The following SLC9A9 variants were observed in gnomAD, a reference collection of about 807,000 sequenced individuals.
The protein encoded by SLC9A9 is sodium/hydrogen exchanger 9.
SLC9A9 carries 62 observed loss-of-function variants against 77.8 expected under a neutral mutation model. That is an observed-to-expected ratio of 0.80 (90% CI 0.65 to 0.98). SLC9A9 has a LOEUF of 0.98. SLC9A9 is among the 50% of genes least tolerant of loss of function. The pLI, the probability that SLC9A9 is intolerant of heterozygous loss-of-function variation, is 0.00. For synonymous variants in SLC9A9, 320 were observed against 283.5 expected (o/e 1.13, Z -1.29); for missense variants, 775 against 774.9 (o/e 1.00, Z 0.00).
chr3:143,533,891 T>C (rs1205880108), intron 9 of SLC9A9, among the ~76,000 whole-genome samples: 2 of 152,230 alleles, frequency 1.3e-5, no homozygotes, highest in African/African-American at 4.8e-5. Flanking sequence ...ACCTAACCTG[T>C]TGTCTAAAAT....
intron 4 of SLC9A9, among the ~76,000 whole-genome samples, chr3:143,741,766 A>G (rs1299656876): frequency 6.6e-6 from 1 of 152,068 alleles, no homozygotes; most frequent in Non-Finnish European, 1.5e-5. Flanking sequence ...CTTCCCCCTA[A>G]CCCATTGAAA....
chr3:143,415,943 A>C (rs2034184172), intron 12 of SLC9A9, among the ~76,000 whole-genome samples: 1 of 152,164 alleles, frequency 6.6e-6, no homozygotes, highest in African/African-American at 2.4e-5. Flanking sequence ...AGGTCAAAAC[A>C]TCAACATTAA....
At chr3:143,836,682 T>C (rs756933810) in intron 1 of SLC9A9, among the ~76,000 whole-genome samples, 1 of 152,166 alleles carries the variant, frequency 6.6e-6, no homozygotes, top group African/African-American at 2.4e-5. Flanking sequence ...AGATGAGCCT[T>C]ACCTTCCTGA....
intron 2 of SLC9A9, among the ~76,000 whole-genome samples, chr3:143,815,761 G>A (rs1019548427): frequency 2.0e-5 from 3 of 152,064 alleles, no homozygotes; most frequent in East Asian, 1.9e-4. Flanking sequence ...AGCTATTCAG[G>A]AGGCTGAGAC....
intron 12 of SLC9A9, among the ~76,000 whole-genome samples, chr3:143,406,373 T>G (rs747196036): frequency 2.6e-5 from 4 of 152,192 alleles, no homozygotes; most frequent in Non-Finnish European, 4.4e-5. Flanking sequence ...AGATTTTATT[T>G]TTCCTGTATC....
chr3:143,435,348 C>T (rs2108539887), intron 12 of SLC9A9, among the ~76,000 whole-genome samples: 1 of 152,216 alleles, frequency 6.6e-6, no homozygotes, highest in Admixed American at 6.5e-5. Context: ...AGTGAGAGCC[C>T]TTGGGTCCAA....
At chr3:143,307,973 C>T (rs1019723870) in intron 14 of SLC9A9, among the ~76,000 whole-genome samples, 2 of 152,222 alleles carry the variant, frequency 1.3e-5, no homozygotes, top group African/African-American at 2.4e-5. Flanking sequence ...GATGGTTGAT[C>T]ACTCTACTTT....
intron 4 of SLC9A9, among the ~76,000 whole-genome samples, chr3:143,759,654 G>T (rs4839606): frequency 0.42 from 63,503 of 151,612 alleles, 15,506 homozygotes; most frequent in African/African-American, 0.68. Flanking sequence ...AAATACCCCC[G>T]TTTTTTTCAA....
intron 14 of SLC9A9, among the ~76,000 whole-genome samples, chr3:143,332,618 A>C (rs570671097): frequency 6.6e-6 from 1 of 152,352 alleles, no homozygotes; most frequent in South Asian, 2.1e-4. Context: ...CCCTTGATGA[A>C]TTAATCCAGA....
intron 2 of SLC9A9, among the ~76,000 whole-genome samples, chr3:143,811,009 G>A (rs186998895): frequency 3.9e-5 from 6 of 152,258 alleles, no homozygotes; most frequent in African/African-American, 1.4e-4. Context: ...TGAAGAATGG[G>A]TAAGAGTCTA....
intron 13 of SLC9A9, among the ~76,000 whole-genome samples, chr3:143,378,997 A>G (rs1035436425): frequency 2.6e-5 from 4 of 151,760 alleles, no homozygotes; most frequent in Non-Finnish European, 5.9e-5. Context: ...AGCAGAGAAC[A>G]AAGAAGAAAT....
intron 12 of SLC9A9, among the ~76,000 whole-genome samples, chr3:143,431,899 C>T (rs1346847813): frequency 6.6e-6 from 1 of 152,158 alleles, no homozygotes; most frequent in African/African-American, 2.4e-5. Flanking sequence ...ACCTTACAGT[C>T]TTTGCATAAG....
chr3:143,414,635 CTT>C (rs1216775482), intron 12 of SLC9A9, among the ~76,000 whole-genome samples: 2 of 152,202 alleles, frequency 1.3e-5, no homozygotes, highest in Non-Finnish European at 2.9e-5. Context: ...AGATAGCAAA[CTT>C]AATGGATAAA....
chr3:143,671,763 C>G (rs1318389776), intron 5 of SLC9A9, among the ~76,000 whole-genome samples: 2 of 152,150 alleles, frequency 1.3e-5, no homozygotes, highest in African/African-American at 4.8e-5. Flanking sequence ...GTTTGAAATG[C>G]AGATTGCATA....
At chr3:143,831,995 T>C (rs991227342) in intron 2 of SLC9A9, 24 bp downstream of exon 2, 4 of 1,592,046 alleles carry the variant, frequency 2.5e-6, no homozygotes, top group Non-Finnish European at 3.4e-6. Flanking sequence ...AAAACAAATA[T>C]ATAATACCAG....
chr3:143,726,816 G>T (rs1934666920), intron 4 of SLC9A9, among the ~76,000 whole-genome samples: 2 of 152,274 alleles, frequency 1.3e-5, no homozygotes, highest in Middle Eastern at 3.4e-3. Flanking sequence ...TGGTTGATTG[G>T]AAATACAGTG....
intron 6 of SLC9A9, among the ~76,000 whole-genome samples, chr3:143,608,420 T>G (rs564366304): frequency 1.3e-5 from 2 of 152,314 alleles, no homozygotes; most frequent in South Asian, 4.1e-4. Flanking sequence ...CTCCCTGGAA[T>G]GTGAACTTCT....
chr3:143,737,665 C>T lies in SLC9A9; in HGVS notation c.534-44358G>A, dbSNP rs112939669. ...TAATATTACAGTTTCTTCTAATGTG[C>T]TATCCTATACTAATGTTTTATATGC... On this transcript the variant is annotated intron_variant, in intron 4 of 15. Transcript: ENST00000316549. Among the ~76,000 whole-genome samples the T allele has an allele frequency of 3.3e-5, 5 of 152,282 alleles. 1 individual carries two copies. Among genetic ancestry groups the T allele is most frequent in the African/African-American group, 1.2e-4 (5 of 41,548 alleles).
At chr3:143,287,566 T>C (rs1178509922) in intron 14 of SLC9A9, among the ~76,000 whole-genome samples, 1 of 152,346 alleles carries the variant, frequency 6.6e-6, no homozygotes, top group African/African-American at 2.4e-5. Flanking sequence ...TGAGTTATTC[T>C]AGCAAATTCT....
Sources: gnomAD v4.1 joint callset for allele counts (sites outside exome capture counted in the v4.1 genomes callset) on GRCh38, gnomAD v4.1.1 for gene constraint, MANE v1.5 for transcripts, NCBI Gene and HGNC (gene_info 2026-07-23, HGNC 2026-07-21) for gene names.